Variants in NGEF observed in about 807,000 individuals in gnomAD.
NGEF encodes ephexin-1.
Under a neutral mutation model 80.9 loss-of-function variants are expected in NGEF, and 31 were observed. That is an observed-to-expected ratio of 0.38 (90% confidence interval 0.29 to 0.52). The LOEUF (loss-of-function observed/expected upper bound fraction) is 0.52, where lower values mean the gene tolerates loss of function less well. Among genes scored for constraint, NGEF ranks in the 20% least tolerant of loss-of-function variants. The pLI is 0.84. For synonymous variants in NGEF, 371 were observed against 370.2 expected, an observed-to-expected ratio of 1.00 and a Z score of -0.03; for missense variants, 709 against 926.2, an observed-to-expected ratio of 0.77 and a Z score of 3.04.
intron 3 of NGEF, among the ~76,000 whole-genome samples, chr2:232,948,694 A>G (rs1574630534): frequency 1.3e-5 from 2 of 152,322 alleles, no homozygotes; most frequent in South Asian, 4.1e-4. Flanking sequence ...TATTTACAGA[A>G]GCAGTACTTT....
chr2:232,928,056 G>T, intron 3 of NGEF: 1 of 1,165,386 alleles, frequency 8.6e-7, no homozygotes, highest in Non-Finnish European at 1.1e-6. Flanking sequence ...CGGGGCCCTG[G>T]GCTGGGTCGG....
At chr2:232,924,002 T>C (rs765682666) in intron 4 of NGEF, among the ~76,000 whole-genome samples, 10 of 151,958 alleles carry the variant, frequency 6.6e-5, no homozygotes, top group Non-Finnish European at 1.3e-4. Context: ...TTTGGGAGGC[T>C]AAGGTGGGTG....
intron 3 of NGEF, among the ~76,000 whole-genome samples, chr2:232,946,654 A>C (rs1693566715): frequency 6.6e-6 from 1 of 152,184 alleles, no homozygotes; most frequent in Admixed American, 6.5e-5. Context: ...TTCTCCACTA[A>C]ATGGAGCTAG....
intron 3 of NGEF, among the ~76,000 whole-genome samples, chr2:232,961,762 A>C (rs773927875): frequency 1.1e-4 from 16 of 152,092 alleles, no homozygotes; most frequent in Non-Finnish European, 7.4e-5. Flanking sequence ...TCCCAACCAG[A>C]TTATTTCCTT....
At chr2:232,914,486 T>C (rs559381662) in intron 5 of NGEF, among the ~76,000 whole-genome samples, 9 of 151,952 alleles carry the variant, frequency 5.9e-5, no homozygotes, top group African/African-American at 2.2e-4. Context: ...GGAGATCACT[T>C]GAGCTCAGGA....
intron 3 of NGEF, among the ~76,000 whole-genome samples, chr2:232,928,707 C>A (rs955381498): frequency 2.8e-4 from 43 of 152,170 alleles, no homozygotes; most frequent in Admixed American, 2.7e-3. Context: ...CTTTCCCGGG[C>A]GAGTCTGGTC....
chr2:232,946,706 A>G (rs1693567569), intron 3 of NGEF, among the ~76,000 whole-genome samples: 1 of 152,230 alleles, frequency 6.6e-6, no homozygotes, highest in African/African-American at 2.4e-5. Flanking sequence ...TGAGATACAG[A>G]AAGCATAGGA....
At chr2:233,012,318 G>C (rs1027409454) in intron 1 of NGEF, among the ~76,000 whole-genome samples, 15 of 152,272 alleles carry the variant, frequency 9.9e-5, no homozygotes, top group Non-Finnish European at 1.9e-4. Context: ...TAGACAATAA[G>C]AACCTACCAC....
At chr2:233,005,092 G>A (rs1046770261) in intron 1 of NGEF, among the ~76,000 whole-genome samples, 1 of 152,166 alleles carries the variant, frequency 6.6e-6, no homozygotes, top group African/African-American at 2.4e-5. Context: ...TTCCAACCTA[G>A]ATTGGGTCTC....
rs1693086615 is a variant in NGEF at position 232,927,083 on chromosome 2, T to A, written c.487A>T (p.Ile163Phe). The change falls in exon 4 of 15, where the codon ATT (isoleucine) becomes TTT (phenylalanine). Residue 163 changes from isoleucine (I) to phenylalanine (F), a missense_variant. This residue lies in a region of NGEF where 283 missense variants were observed against 303.4 expected (regional missense o/e 0.93). Coordinates refer to ENST00000264051, the MANE Select transcript of NGEF (RefSeq NM_019850.3). ...LTEALRMIHP[I>F]PADSWRNLIE... ...AGGTTTCTCCAGGAGTCGGCGGGAATGGGGTGGATCATCCGCAGGGCCTCG... is the reference window on the plus strand; with the variant it reads ...AGGTTTCTCCAGGAGTCGGCGGGAAAGGGGTGGATCATCCGCAGGGCCTCG... 1 of 1,613,780 alleles carries A rather than the reference T, an allele frequency of 6.2e-7. No individual in the cohort carries two copies.
At chr2:232,907,159 T>TAA (rs1181408500) in intron 5 of NGEF, among the ~76,000 whole-genome samples, 5 of 25,830 alleles carry the variant, frequency 1.9e-4, no homozygotes, top group South Asian at 8.6e-4. Flanking sequence ...AATGATCAAT[T>TAA]AAAAAAAAAA....
intron 2 of NGEF, among the ~76,000 whole-genome samples, chr2:232,970,823 A>G (rs1000793621): frequency 2.0e-5 from 3 of 152,078 alleles, no homozygotes; most frequent in Non-Finnish European, 4.4e-5. Flanking sequence ...TATAATGATG[A>G]TTTAAGCAAC....
intron 3 of NGEF, among the ~76,000 whole-genome samples, chr2:232,953,456 CA>C (rs1364898561): frequency 7.2e-6 from 1 of 139,750 alleles, no homozygotes; most frequent in East Asian, 2.1e-4. Context: ...CCAACATGCT[CA>C]AAAAATAAAA....
intron 5 of NGEF, among the ~76,000 whole-genome samples, chr2:232,904,602 A>G (rs1050477594): frequency 6.6e-6 from 1 of 152,154 alleles, no homozygotes; most frequent in South Asian, 2.1e-4. Flanking sequence ...CAGTAACTAA[A>G]ACACTATCCC....
At chr2:232,888,012 A>G (rs1416743484) in intron 9 of NGEF, 21 bp downstream of exon 9, 10 of 1,604,334 alleles carry the variant, frequency 6.2e-6, no homozygotes, top group African/African-American at 2.7e-5. Context: ...GGGATACAGC[A>G]CAAGAGGAGG....
intron 4 of NGEF, among the ~76,000 whole-genome samples, chr2:232,922,664 G>A (rs1449646780): frequency 6.6e-6 from 1 of 152,246 alleles, no homozygotes; most frequent in African/African-American, 2.4e-5. Context: ...TGCGGTTACA[G>A]AGGTTTAAAG....
rs1002856601 is a variant in NGEF, at chr2:232,984,111, G to A, written c.-74-9147C>T. On this transcript the variant is annotated intron_variant, in intron 1 of 14. Coordinates refer to ENST00000264051, the MANE Select transcript of NGEF (RefSeq NM_019850.3). ...ACTGAAATTAATTTTTTCAGACAAGGTCTCACTCTGTCACCCAGGCTGGAG... is the reference window on the plus strand; with the variant it reads ...ACTGAAATTAATTTTTTCAGACAAGATCTCACTCTGTCACCCAGGCTGGAG... Among the ~76,000 whole-genome samples, 13 of 152,144 alleles carry A rather than the reference G, an allele frequency of 8.5e-5. No individual in the cohort carries two copies. The East Asian group carries it at 2.3e-3, about 27-fold the overall frequency.
chr2:232,986,071 TA>T (rs761257515), intron 1 of NGEF, among the ~76,000 whole-genome samples: 1 of 152,050 alleles, frequency 6.6e-6, no homozygotes, highest in Admixed American at 6.5e-5. Flanking sequence ...TTAAAATTCT[TA>T]AAAAAAGAAG....
chr2:232,883,089 ACGCACACACGTACACG>A (rs1691566580), intron 12 of NGEF, among the ~76,000 whole-genome samples: 1 of 151,948 alleles, frequency 6.6e-6, no homozygotes, highest in African/African-American at 2.4e-5. Context: ...ACACGCACAC[ACGCACACACGTACACG>A]CGTACACGCA....
Sources: gnomAD v4.1 joint callset for allele counts (sites outside exome capture counted in the v4.1 genomes callset) on GRCh38, gnomAD v4.1.1 for gene constraint, gnomAD v4.1.1 regional missense constraint, MANE v1.5 for transcripts, NCBI Gene and HGNC (gene_info 2026-07-23, HGNC 2026-07-21) for gene names.